The following BCAT1 variants were observed in gnomAD, a reference collection of about 807,000 sequenced individuals.
The protein encoded by BCAT1 is branched chain amino acid transaminase 1.
BCAT1 carries 48 observed loss-of-function variants against 52.4 expected under a neutral mutation model. The observed-to-expected ratio is 0.92, with a 90% CI of 0.73 to 1.16. The LOEUF is 1.16. Among genes scored for constraint, BCAT1 ranks in the 50% most tolerant of loss-of-function variants. The probability of loss-of-function intolerance (pLI) is 0.00; values close to 1 mark genes in which losing one functional copy is unlikely to be tolerated. For synonymous variants in BCAT1, 167 were observed against 161.3 expected (o/e 1.04, Z -0.27); for missense variants, 451 against 457.1 (o/e 0.99, Z 0.12).
intron 10 of BCAT1, among the ~76,000 whole-genome samples, chr12:24,819,811 TC>T (rs1940041254): frequency 6.6e-6 from 1 of 152,164 alleles, no homozygotes; most frequent in Admixed American, 6.5e-5. Flanking sequence ...ACTGTAAGTT[TC>T]TTGCATAATC....
chr12:24,902,222 T>G lies in BCAT1; in HGVS notation c.7-337A>C. On this transcript the variant is annotated intron_variant, in intron 1 of 10. Transcript: ENST00000261192. ...ATTGTCTCCCTTATATCCGAGCAAA[T>G]AGTCTAGACTGGGGTGTTAAGCCAT... 14 of 1,407,680 alleles carry G rather than the reference T, an allele frequency of 9.9e-6. No homozygotes were observed. In the South Asian group the frequency reaches 2.3e-4, roughly 23 times the overall value. 87.2% of individuals were successfully genotyped at this position (1,407,680 alleles called of 1,614,324 possible).
chr12:24,834,203 T>C, intron 8 of BCAT1: 2 of 977,954 alleles, frequency 2.0e-6, no homozygotes, highest in Non-Finnish European at 2.4e-6. Flanking sequence ...ACGTTGAATG[T>C]ATATTTGGAC....
At chr12:24,850,669 T>C (rs1941480301) in intron 5 of BCAT1, among the ~76,000 whole-genome samples, 1 of 152,224 alleles carries the variant, frequency 6.6e-6, no homozygotes, top group African/African-American at 2.4e-5. Flanking sequence ...GGCCAACTGT[T>C]CAAACCATGT....
intron 5 of BCAT1, among the ~76,000 whole-genome samples, chr12:24,877,350 T>A (rs2139585436): frequency 6.6e-6 from 1 of 152,276 alleles, no homozygotes; most frequent in Admixed American, 6.5e-5. Flanking sequence ...TCCCTCAATA[T>A]CACACTCTCA....
At chr12:24,924,128 C>T (rs1270100530) in intron 1 of BCAT1, among the ~76,000 whole-genome samples, 2 of 152,088 alleles carry the variant, frequency 1.3e-5, no homozygotes, top group Non-Finnish European at 2.9e-5. Flanking sequence ...CCCATCCTCC[C>T]TTTTCTAGAG....
At position 24,842,136 on chromosome 12, in the gene BCAT1, T is replaced by C. The variant is rs1421303687; in HGVS notation, c.763A>G (p.Ile255Val). 6.2e-7 allele frequency: 1 copy of C among 1,613,868 alleles called. No homozygotes were observed. Residue 255 changes from isoleucine to valine, a missense_variant, in exon 7 of 11, where the codon ATC (isoleucine) becomes GTC (valine). Transcript: ENST00000261192. ...VLWLYGEDHQ[I>V]TEVGTMNLFL... is the part of the protein sequence containing the mutation. ...AGATTCATAGTTCCCACTTCAGTGATCTGATGGTCCTCTCCATAGAGCCAC... is the reference window on the plus strand; with the variant it reads ...AGATTCATAGTTCCCACTTCAGTGACCTGATGGTCCTCTCCATAGAGCCAC...
chr12:24,833,822 C>CTTTCT (rs774763035), intron 8 of BCAT1: 9 of 137,802 alleles, frequency 6.5e-5, no homozygotes, highest in South Asian at 2.3e-4. Context: ...TTGTCTCTTT[C>CTTTCT]TTTTTTTTTT....
chr12:24,846,588 A>G (rs747389217), intron 6 of BCAT1, among the ~76,000 whole-genome samples: 33 of 152,234 alleles, frequency 2.2e-4, no homozygotes, highest in Non-Finnish European at 8.8e-5. Context: ...AGATAAAGAG[A>G]GTCCAGGAAA....
intron 4 of BCAT1, among the ~76,000 whole-genome samples, 152 bp from the exon 5 acceptor site, chr12:24,878,801 C>T (rs1942417662): frequency 6.6e-6 from 1 of 152,168 alleles, no homozygotes; most frequent in Admixed American, 6.5e-5. Context: ...TCCTAATTAT[C>T]CTAATTTTTA....
At chr12:24,870,296 G>C (rs1245359885) in intron 5 of BCAT1, among the ~76,000 whole-genome samples, 1 of 152,108 alleles carries the variant, frequency 6.6e-6, no homozygotes, top group Non-Finnish European at 1.5e-5. Flanking sequence ...ATATATACAT[G>C]TTATAAAATA....
rs775883118 is a variant in BCAT1 at position 24,815,188 on chromosome 12, A to G, written c.*2820T>C. The G allele has an allele frequency of 3.9e-5, 6 of 152,168 alleles. No homozygotes were observed. The highest frequency in any genetic ancestry group is 8.8e-5 in the Non-Finnish European group (6 of 68,024). 9.4% of individuals were successfully genotyped at this position (152,168 alleles called of 1,614,324 possible). A position where few individuals can be genotyped will look rare whatever the true frequency, so the allele number is the denominator to read the frequency against. ...GTTTCTACTGATGTGTTTTCAAAAAAGCTGACAAGCTCGGTCTGAAATGTA... is the reference window on the plus strand; with the variant it reads ...GTTTCTACTGATGTGTTTTCAAAAAGGCTGACAAGCTCGGTCTGAAATGTA... On this transcript the variant is annotated 3_prime_UTR_variant, in exon 11 of 11. Coordinates refer to ENST00000261192, the MANE Select transcript of BCAT1 (RefSeq NM_005504.7).
chr12:24,831,099 CCCT>C lies in BCAT1; in HGVS notation c.1045-1205_1045-1203del, dbSNP rs920849120. Among the ~76,000 whole-genome samples, 157 of 151,356 alleles carry C rather than the reference CCCT, an allele frequency of 1.0e-3. 1 individual carries two copies. Among genetic ancestry groups the C allele is most frequent in the African/African-American group, 3.5e-3 (146 of 41,368 alleles). ...CCACTCCTAAAACAGCAAGACCAAT[CCCT>C]CCTCCTCCTCCTCCTCCTCAGCCTA... On this transcript the variant is annotated intron_variant, in intron 9 of 10. Coordinates refer to ENST00000261192, the MANE Select transcript of BCAT1 (RefSeq NM_005504.7).
intron 9 of BCAT1, among the ~76,000 whole-genome samples, chr12:24,831,239 A>T (rs1446475293): frequency 6.6e-6 from 1 of 152,206 alleles, no homozygotes; most frequent in African/African-American, 2.4e-5. Context: ...CTTTATTGTA[A>T]GAATACATAT....
intron 10 of BCAT1, 60 bp from the exon 11 acceptor site, chr12:24,818,109 A>C: frequency 6.4e-7 from 1 of 1,554,688 alleles, no homozygotes; most frequent in Non-Finnish European, 8.9e-7. Context: ...GAAATAGCTT[A>C]CAAACAAACT....
intron 3 of BCAT1, among the ~76,000 whole-genome samples, chr12:24,885,667 T>G (rs1014112940): frequency 2.0e-5 from 3 of 152,166 alleles, no homozygotes; most frequent in Non-Finnish European, 2.9e-5. Context: ...TTATAATGAC[T>G]GAGAAACCAA....
rs2353485 is a variant in BCAT1, at chr12:24,810,572, A to G, written c.*7436T>C. 0.62 allele frequency: 93,465 copies of G among 151,962 alleles called. 29,147 individuals carry two copies. The highest frequency in any genetic ancestry group is 0.65 in the Non-Finnish European group (44,016 of 67,950). 9.4% of individuals were successfully genotyped at this position (151,962 alleles called of 1,614,324 possible). On this transcript the variant is annotated 3_prime_UTR_variant, in exon 11 of 11. Transcript: ENST00000261192. ...GTCTCTCTTTCTCACGCTTGTGGGA[A>G]TTGAGCGTTGACACTGTAAGAACAC...
At chr12:24,839,244 G>T (rs965952373) in intron 7 of BCAT1, among the ~76,000 whole-genome samples, 2 of 152,208 alleles carry the variant, frequency 1.3e-5, no homozygotes, top group African/African-American at 2.4e-5. Context: ...GCCAGACTGA[G>T]AATGGGATTT....
At chr12:24,922,163 C>T (rs1211916095) in intron 1 of BCAT1, among the ~76,000 whole-genome samples, 2 of 151,900 alleles carry the variant, frequency 1.3e-5, no homozygotes, top group African/African-American at 4.8e-5. Flanking sequence ...AAGATTGTTC[C>T]TTTTTTTTGA....
rs1055345520 is a variant in BCAT1, at chr12:24,813,446, G to T, written c.*4562C>A. 6.6e-6 allele frequency: 1 copy of T among 151,980 alleles called. No individual in the cohort carries two copies. Among genetic ancestry groups the T allele is most frequent in the African/African-American group, 2.4e-5 (1 of 41,430 alleles). The allele number at this position is 151,980 out of a possible 1,614,324, so 9.4% of individuals were successfully genotyped here. A position where few individuals can be genotyped will look rare whatever the true frequency, so the allele number is the denominator to read the frequency against. On this transcript the variant is annotated 3_prime_UTR_variant, in exon 11 of 11. Transcript: ENST00000261192. ...ACTTTAAACAGCATGGTTCATAATA[G>T]ATATTTTCTAGAAAAATTCACTCTA...
Sources: gnomAD v4.1 joint callset for allele counts (sites outside exome capture counted in the v4.1 genomes callset) on GRCh38, gnomAD v4.1.1 for gene constraint, MANE v1.5 for transcripts, NCBI Gene and HGNC (gene_info 2026-07-23, HGNC 2026-07-21) for gene names.